Variants in PAX7 observed in about 807,000 individuals in gnomAD.
The protein encoded by PAX7 is paired box protein Pax-7.
PAX7 carries 18 observed loss-of-function variants against 50.7 expected under a neutral mutation model. The ratio of observed to expected loss-of-function variants is 0.36; its 90% CI spans 0.25 to 0.53. The LOEUF is 0.53. PAX7 is among the 20% of genes least tolerant of loss of function. The pLI is 0.93. For synonymous variants in PAX7, 310 were observed against 290.4 expected (o/e 1.07, Z -0.69); for missense variants, 644 against 702.9 (o/e 0.92, Z 0.95).
At position 18,631,564 on chromosome 1, in the gene PAX7, A is replaced by T; in HGVS notation, c.-40A>T. The stretch of plus-strand genomic sequence containing the variant: ...GGGTGAAGGGAGCGGACGGGAAGCG[A>T]TTTTTGCCGACTTTGGATTCGTCCC... On this transcript the variant is annotated 5_prime_UTR_variant, in exon 1 of 9. Transcript: ENST00000420770. The T allele has an allele frequency of 1.3e-6, 2 of 1,578,628 alleles. No individual in the cohort carries two copies. Among genetic ancestry groups the T allele is most frequent in the Non-Finnish European group, 1.7e-6 (2 of 1,154,134 alleles).
At chr1:18,693,438 G>C (rs1223667592) in intron 5 of PAX7, among the ~76,000 whole-genome samples, 1 of 152,206 alleles carries the variant, frequency 6.6e-6, no homozygotes, top group African/African-American at 2.4e-5. Context: ...TGGGGGCTGA[G>C]CCAGGCCCAG....
intron 5 of PAX7, among the ~76,000 whole-genome samples, chr1:18,698,875 C>G (rs1203057812): frequency 6.6e-6 from 1 of 152,336 alleles, no homozygotes; most frequent in East Asian, 1.9e-4. Context: ...TTTTCCCACC[C>G]GGGAAGGATG....
intron 4 of PAX7, among the ~76,000 whole-genome samples, chr1:18,657,683 G>A (rs952721071): frequency 3.9e-5 from 6 of 152,148 alleles, no homozygotes; most frequent in African/African-American, 1.4e-4. Context: ...TTTTGTCTGG[G>A]CTGCCTTTTA....
At chr1:18,679,763 G>A (rs984782973) in intron 4 of PAX7, among the ~76,000 whole-genome samples, 4 of 152,186 alleles carry the variant, frequency 2.6e-5, no homozygotes, top group African/African-American at 9.7e-5. Flanking sequence ...GGAAGAATAA[G>A]GAAAGGATGA....
chr1:18,691,885 C>T lies in PAX7; in HGVS notation c.718C>T (p.His240Tyr). 2 of 1,614,012 alleles carry T rather than the reference C, an allele frequency of 1.2e-6. No homozygotes were observed. Among genetic ancestry groups the T allele is most frequent in the Non-Finnish European group, 1.7e-6 (2 of 1,180,008 alleles). Residue 240 changes from histidine (H) to tyrosine (Y), a missense_variant, in exon 5 of 9, where the codon CAC (histidine) becomes TAC (tyrosine). By Grantham distance (83) the His-to-Tyr change is moderately conservative. Transcript: ENST00000420770. The part of the protein sequence containing the change: ...EELEKAFERT[H>Y]YPDIYTREEL... Reference sequence around the variant, plus strand: ...GCTGGAGAAGGCCTTTGAGAGGACCCACTACCCAGACATATACACCCGCGA... The same window carrying T: ...GCTGGAGAAGGCCTTTGAGAGGACCTACTACCCAGACATATACACCCGCGA...
Position 18,635,511 on chromosome 1 carries a change from TAGGAAGGAAGGA to T in PAX7, c.451+277_451+288del, listed in dbSNP as rs138334090. On this transcript the variant is annotated intron_variant, in intron 3 of 8. Transcript: ENST00000420770. The stretch of plus-strand genomic sequence containing the variant: ...GGGAGGAAGAAGGAAGGAAGGAAGG[TAGGAAGGAAGGA>T]AGGAAAGAAGGAAGGAAGGAAGGAA... Among the ~76,000 whole-genome samples, 44 of 134,540 alleles carry T rather than the reference TAGGAAGGAAGGA, an allele frequency of 3.3e-4. 1 individual carries two copies. The East Asian group carries it at 0.01, about 31-fold the overall frequency. The allele number at this position is 134,540 out of a possible 152,430, so 88.3% of individuals were successfully genotyped here. A position where few individuals can be genotyped will look rare whatever the true frequency, so the allele number is the denominator to read the frequency against.
intron 7 of PAX7, among the ~76,000 whole-genome samples, chr1:18,730,950 G>A (rs1036526469): frequency 6.6e-6 from 1 of 152,090 alleles, no homozygotes; most frequent in African/African-American, 2.4e-5. Context: ...AATGGAGGAG[G>A]AAGGGAGAGG....
In PAX7 at chr1:18,748,412, G is replaced by A. The variant is rs1342933388; in HGVS notation, c.*3483G>A. Reference sequence around the variant, plus strand: ...TTGGACACTTTTTGGGGGTACACAGGTCTTCTCTCCTCCCCTCCTGCAGAG... The same window carrying A: ...TTGGACACTTTTTGGGGGTACACAGATCTTCTCTCCTCCCCTCCTGCAGAG... On this transcript the variant is annotated 3_prime_UTR_variant, in exon 9 of 9. Coordinates refer to ENST00000420770, the MANE Select transcript of PAX7 (RefSeq NM_001135254.2). The A allele has an allele frequency of 1.3e-5, 3 of 231,460 alleles. No individual in the cohort carries two copies. Among genetic ancestry groups the A allele is most frequent in the Middle Eastern group, 1.3e-3 (1 of 798 alleles). 14.3% of individuals were successfully genotyped at this position (231,460 alleles called of 1,614,324 possible). A position where few individuals can be genotyped will look rare whatever the true frequency, so the allele number is the denominator to read the frequency against.
chr1:18,744,278 G>A (rs540632782), intron 8 of PAX7, among the ~76,000 whole-genome samples: 2 of 152,210 alleles, frequency 1.3e-5, no homozygotes, highest in East Asian at 1.9e-4. Flanking sequence ...TTGTTGAGGG[G>A]TGGTTAATTC....
chr1:18,633,313 G>A (rs922325636), intron 1 of PAX7, among the ~76,000 whole-genome samples: 2 of 152,184 alleles, frequency 1.3e-5, no homozygotes, highest in African/African-American at 2.4e-5. Context: ...CCAAATTGGG[G>A]GGATCGAGGC....
At chr1:18,688,807 G>A (rs1411846080) in intron 4 of PAX7, among the ~76,000 whole-genome samples, 1 of 152,184 alleles carries the variant, frequency 6.6e-6, no homozygotes, top group Non-Finnish European at 1.5e-5. Flanking sequence ...CCAGCTACTC[G>A]GGAGGGTGAG....
chr1:18,690,422 G>A (rs944582026), intron 4 of PAX7, among the ~76,000 whole-genome samples: 5 of 152,316 alleles, frequency 3.3e-5, no homozygotes, highest in African/African-American at 4.8e-5. Context: ...CAGCTTCAGC[G>A]CCCCGGCTGG....
intron 7 of PAX7, among the ~76,000 whole-genome samples, chr1:18,716,218 T>C (rs1253094981): frequency 6.6e-6 from 1 of 152,108 alleles, no homozygotes; most frequent in Non-Finnish European, 1.5e-5. Context: ...CTGGGTCGGG[T>C]CCCCCAGGAC....
At chr1:18,695,973 C>T (rs1313215765) in intron 5 of PAX7, among the ~76,000 whole-genome samples, 2 of 152,062 alleles carry the variant, frequency 1.3e-5, no homozygotes, top group Admixed American at 6.6e-5. Flanking sequence ...GAACGGAAAT[C>T]CCATTGTGGA....
At chr1:18,668,648 G>A (rs929548433) in intron 4 of PAX7, among the ~76,000 whole-genome samples, 20 of 152,324 alleles carry the variant, frequency 1.3e-4, no homozygotes, top group African/African-American at 4.8e-4. Context: ...GGGCTGCAGT[G>A]AGCCTTGATC....
In PAX7 at chr1:18,631,527, A is replaced by G; in HGVS notation, c.-77A>G. On this transcript the variant is annotated 5_prime_UTR_variant, in exon 1 of 9. Transcript: ENST00000420770. ...GAAGACGAAGAAGACGGAAAGAAAG[A>G]GATCGCAGCAGGGGTGAAGGGAGCG... is the stretch of plus-strand genomic sequence containing the variant. The G allele has an allele frequency of 1.7e-6, 2 of 1,169,864 alleles. No individual in the cohort carries two copies. The highest frequency in any genetic ancestry group is 2.4e-5 in the East Asian group (1 of 40,882). 72.5% of individuals were successfully genotyped at this position (1,169,864 alleles called of 1,614,324 possible). A position where few individuals can be genotyped will look rare whatever the true frequency, so the allele number is the denominator to read the frequency against.
In PAX7 at chr1:18,632,490, T is replaced by A. The variant is rs193065933; in HGVS notation, c.85+802T>A. The stretch of plus-strand genomic sequence containing the variant: ...ACCGGGTCCTGGCTGGAGAAAAGGC[T>A]GGGAGCGCACAGCGGAGAGACCCGC... On this transcript the variant is annotated intron_variant, in intron 1 of 8. Transcript: ENST00000420770. This position sits in a 1 kb window ranked among gnomAD's most constrained non-coding sequence, Gnocchi z 6.3. Among the ~76,000 whole-genome samples the A allele has an allele frequency of 5.7e-4, 87 of 152,172 alleles. No individual in the cohort carries two copies. The highest frequency in any genetic ancestry group is 1.9e-3 in the African/African-American group (79 of 41,534).
At chr1:18,718,233 G>A (rs548906088) in intron 7 of PAX7, among the ~76,000 whole-genome samples, 1 of 152,162 alleles carries the variant, frequency 6.6e-6, no homozygotes, top group East Asian at 1.9e-4. Context: ...GGATGGAAGG[G>A]GTAACTTTGG....
At chr1:18,701,513 T>A (rs2089222134) in intron 6 of PAX7, among the ~76,000 whole-genome samples, 1 of 152,174 alleles carries the variant, frequency 6.6e-6, no homozygotes, top group African/African-American at 2.4e-5. Context: ...GGAATCATTT[T>A]TTTTTTTAGA....
Sources: allele counts gnomAD v4.1 joint callset (sites outside exome capture counted in the v4.1 genomes callset), GRCh38; gene constraint gnomAD v4.1.1; non-coding constraint Gnocchi (gnomAD v3.1); transcripts MANE v1.5; gene names NCBI Gene and HGNC (gene_info 2026-07-23, HGNC 2026-07-21).